The following MYLK variants were observed in gnomAD, a reference collection of about 807,000 sequenced individuals.
The protein encoded by MYLK is myosin light chain kinase.
A neutral mutation model predicts 203.4 loss-of-function variants in MYLK; 106 were observed. The ratio of observed to expected loss-of-function variants is 0.52; its 90% CI spans 0.45 to 0.61. The LOEUF (loss-of-function observed/expected upper bound fraction) is 0.61. Among genes scored for constraint, MYLK ranks in the 20% least tolerant of loss-of-function variants. The pLI is 0.00. For missense variants in MYLK, 2,072 were observed against 2,442.3 expected (o/e 0.85, Z 3.20); for synonymous variants, 867 against 959.5 (o/e 0.90, Z 1.78).
intron 4 of MYLK, among the ~76,000 whole-genome samples, chr3:123,778,560 C>G (rs2064166681): frequency 6.6e-6 from 1 of 151,546 alleles, no homozygotes; most frequent in African/African-American, 2.4e-5. Flanking sequence ...CAGCAATATG[C>G]TCGAGCAGCC....
intron 21 of MYLK, among the ~76,000 whole-genome samples, 155 bp from the exon 22 acceptor site, chr3:123,666,501 T>A (rs924243010): frequency 6.6e-6 from 1 of 152,202 alleles, no homozygotes; most frequent in Admixed American, 6.5e-5. Flanking sequence ...CTGCAGGACA[T>A]CCAAGTTCAT....
At chr3:123,830,665 G>A (rs2066293690) in intron 3 of MYLK, among the ~76,000 whole-genome samples, 2 of 152,038 alleles carry the variant, frequency 1.3e-5, no homozygotes, top group African/African-American at 4.8e-5. Flanking sequence ...TTTTGGCCCT[G>A]CCAGCCTCCT....
intron 2 of MYLK, among the ~76,000 whole-genome samples, chr3:123,870,600 G>C (rs2032713803): frequency 6.6e-6 from 1 of 152,248 alleles, no homozygotes; most frequent in Admixed American, 6.5e-5. Flanking sequence ...GTCTGGAACA[G>C]TTGAAAATCA....
At chr3:123,866,404 G>A (rs1045443970) in intron 2 of MYLK, among the ~76,000 whole-genome samples, 6 of 152,138 alleles carry the variant, frequency 3.9e-5, no homozygotes, top group African/African-American at 9.7e-5. Flanking sequence ...CAACAAATAC[G>A]TATGGAGTGC....
intron 13 of MYLK, among the ~76,000 whole-genome samples, chr3:123,717,189 T>G (rs2061925920): frequency 6.6e-6 from 1 of 152,216 alleles, no homozygotes; most frequent in South Asian, 2.1e-4. Context: ...GTTAACTGGA[T>G]AGATTGTATA....
chr3:123,861,157 A>AAC (rs1553866190), intron 2 of MYLK, among the ~76,000 whole-genome samples: 24 of 151,708 alleles, frequency 1.6e-4, no homozygotes, highest in Admixed American at 5.9e-4. Context: ...CAAAAAAAAA[A>AAC]AACTGATTGG....
chr3:123,700,121 A>C lies in MYLK; in HGVS notation c.3347T>G (p.Leu1116Arg). The stretch of plus-strand genomic sequence containing the variant: ...GTCAGAAGACACCTGGCACTGGAGC[A>C]GCAGCTTCTTGCCCTCTGCCACATG... ...DVHVAEGKKLLLQCQVSSDPP... is the reference protein window; with the variant it reads ...DVHVAEGKKLRLQCQVSSDPP... Residue 1116 changes from leucine to arginine, a missense_variant, in exon 18 of 34, where the codon CTG becomes CGG. Transcript: ENST00000360304. 1 of 1,613,980 alleles carries C rather than the reference A, an allele frequency of 6.2e-7. No homozygotes were observed. The highest frequency in any genetic ancestry group is 8.5e-7 in the Non-Finnish European group (1 of 1,179,964).
intron 2 of MYLK, among the ~76,000 whole-genome samples, chr3:123,840,043 G>A (rs891291316): frequency 3.3e-5 from 5 of 152,000 alleles, no homozygotes; most frequent in Non-Finnish European, 4.4e-5. Context: ...GGGGGATGCA[G>A]GAAAAGGTCA....
intron 13 of MYLK, among the ~76,000 whole-genome samples, chr3:123,712,968 G>A (rs1006155509): frequency 1.3e-5 from 2 of 152,186 alleles, no homozygotes; most frequent in Non-Finnish European, 2.9e-5. Context: ...TTCACCCAAG[G>A]ATTATGGACT....
At chr3:123,816,031 G>C (rs1284212680) in intron 3 of MYLK, among the ~76,000 whole-genome samples, 2 of 152,214 alleles carry the variant, frequency 1.3e-5, no homozygotes, top group Non-Finnish European at 2.9e-5. Flanking sequence ...CAGGACCTGG[G>C]TTTGTACATC....
At chr3:123,684,436 T>C (rs572446723) in intron 19 of MYLK, among the ~76,000 whole-genome samples, 2 of 152,308 alleles carry the variant, frequency 1.3e-5, no homozygotes, top group African/African-American at 4.8e-5. Context: ...ATGGAGTCAG[T>C]CTAAGCTTCC....
chr3:123,726,315 A>C (rs55929166), intron 11 of MYLK, among the ~76,000 whole-genome samples: 17,368 of 151,964 alleles, frequency 0.11, 2,574 homozygotes, highest in African/African-American at 0.35. Flanking sequence ...AAAACACCCT[A>C]GCCCTGGGGT....
At chr3:123,879,844 C>T (rs72974251) in intron 1 of MYLK, among the ~76,000 whole-genome samples, 15,281 of 152,092 alleles carry the variant, frequency 0.1, 1,199 homozygotes, top group East Asian at 0.36. Context: ...TTAGTAGAGA[C>T]GGGGTTTCAC....
Position 123,707,878 on chromosome 3 carries a change from T to G in MYLK, c.2266A>C (p.Arg756=), listed in dbSNP as rs2061523316. ...TCTTTGCAGAGGGCTTTGCCATCTCTGAGCCAGTGCACGGTAGGAAAGGGG... is the reference window on the plus strand; with the variant it reads ...TCTTTGCAGAGGGCTTTGCCATCTCGGAGCCAGTGCACGGTAGGAAAGGGG... The part of the protein sequence containing the change: ...GDPFPTVHWL[R]DGKALCKDTG... The change falls in exon 16 of 34, where the codon AGA becomes CGA. Residue 756 remains arginine, a synonymous_variant. Transcript: ENST00000360304. 18 of 1,614,250 alleles carry G rather than the reference T, an allele frequency of 1.1e-5. No individual in the cohort carries two copies. Among genetic ancestry groups the G allele is most frequent in the Non-Finnish European group, 1.5e-5 (18 of 1,180,052 alleles).
At chr3:123,719,387 A>C (rs1054822143) in intron 13 of MYLK, among the ~76,000 whole-genome samples, 3 of 152,218 alleles carry the variant, frequency 2.0e-5, no homozygotes, top group Non-Finnish European at 4.4e-5. Context: ...TCTGATGGCC[A>C]AACAAACACA....
rs966309416 is a variant in MYLK, at chr3:123,618,421, C to T, written c.5500+218G>A. ...AAGTAGGTGAAATTTCAAATGTGCCCCCTGGGGAAGTGACTGAAGGACACA... is the reference window on the plus strand; with the variant it reads ...AAGTAGGTGAAATTTCAAATGTGCCTCCTGGGGAAGTGACTGAAGGACACA... On this transcript the variant is annotated intron_variant, in intron 33 of 33. Transcript: ENST00000360304. 4 of 565,832 alleles carry T rather than the reference C, an allele frequency of 7.1e-6. 1 individual carries two copies. The Admixed American group carries it at 9.2e-5, about 13-fold the overall frequency. The allele number at this position is 565,832 out of a possible 1,614,324, so 35.1% of individuals were successfully genotyped here.
At chr3:123,882,868 C>T (rs941205110) in intron 1 of MYLK, among the ~76,000 whole-genome samples, 1 of 152,214 alleles carries the variant, frequency 6.6e-6, no homozygotes, top group Non-Finnish European at 1.5e-5. Context: ...CACAGTCCCA[C>T]AGTGTGCAGG....
chr3:123,737,649 A>C, intron 7 of MYLK, 106 bp from the exon 8 acceptor site: 1 of 1,452,372 alleles, frequency 6.9e-7, no homozygotes, highest in Non-Finnish European at 9.6e-7. Context: ...GGGCCTGGGC[A>C]GCAGCGTCCT....
chr3:123,732,945 A>C lies in MYLK; in HGVS notation c.1467T>G (p.Ala489=). Residue 489 remains alanine, a synonymous_variant, in exon 11 of 34, where the codon GCT becomes GCG. Transcript: ENST00000360304. ...TRDSGTYSCT[A]SNAQGQLSCS... ...AGGACAGCTGGCCTTGGGCGTTGGA[A>C]GCAGTGCAGCTGTATGTCCCACTGT... 1 of 1,614,166 alleles carries C rather than the reference A, an allele frequency of 6.2e-7. No individual in the cohort carries two copies. The highest frequency in any genetic ancestry group is 1.1e-5 in the South Asian group (1 of 91,072).
Sources: allele counts gnomAD v4.1 joint callset (sites outside exome capture counted in the v4.1 genomes callset), GRCh38; gene constraint gnomAD v4.1.1; transcripts MANE v1.5; gene names NCBI Gene and HGNC (gene_info 2026-07-23, HGNC 2026-07-21).